The following AIMP1 variants were observed in gnomAD, a reference collection of about 807,000 sequenced individuals.
AIMP1 encodes the protein aminoacyl tRNA synthetase complex interacting multifunctional protein 1.
AIMP1 carries 24 observed loss-of-function variants against 33.1 expected under a neutral mutation model. That is an observed-to-expected ratio of 0.73 (90% CI 0.53 to 1.02). The LOEUF (loss-of-function observed/expected upper bound fraction) is 1.02, where lower values mean the gene tolerates loss of function less well. AIMP1 is among the 50% of genes least tolerant of loss of function. The pLI is 0.00. For missense variants in AIMP1, 367 were observed against 364.8 expected, an observed-to-expected ratio of 1.01 and a Z score of -0.05; for synonymous variants, 120 against 121.5, an observed-to-expected ratio of 0.99 and a Z score of 0.08.
rs748330574 is a variant in AIMP1, at chr4:106,336,253, GA to G, written c.604-604del. On this transcript the variant is annotated intron_variant, in intron 5 of 6. Coordinates refer to ENST00000672341, the MANE Select transcript of AIMP1 (RefSeq NM_001142416.2). ...TTGCCATTTTGCCCATGCTGGTCTC[GA>G]AAAAAAAAAAACACTGGGCTCAAGC... Among the ~76,000 whole-genome samples the G allele has an allele frequency of 5.1e-3, 670 of 130,606 alleles. 3 individuals are homozygous for G. Among genetic ancestry groups the G allele is most frequent in the Admixed American group, 9.6e-3 (124 of 12,948 alleles). The allele number at this position is 130,606 out of a possible 152,430, so 85.7% of individuals were successfully genotyped here. A position where few individuals can be genotyped will look rare whatever the true frequency, so the allele number is the denominator to read the frequency against.
At chr4:106,316,545 T>A (rs1768903164), upstream of AIMP1, 1 of 1,551,512 alleles carries the variant, frequency 6.4e-7, no homozygotes, top group South Asian at 1.2e-5. Flanking sequence ...TGGCTGGACC[T>A]ACATGCTTCC....
Position 106,325,121 on chromosome 4 carries a change from A to G in AIMP1, c.109+3A>G. ...TTCTCTACTTAAGGAGAAAGCAAGT[A>G]AGAAAATTTAAAATTTTTTGAGGAG... On this transcript the variant is annotated splice_donor_region_variant and intron_variant, in intron 2 of 6. Coordinates refer to ENST00000672341, the MANE Select transcript of AIMP1 (RefSeq NM_001142416.2). The G allele has an allele frequency of 1.9e-6, 3 of 1,608,578 alleles. No individual in the cohort carries two copies. Among genetic ancestry groups the G allele is most frequent in the Non-Finnish European group, 2.5e-6 (3 of 1,176,894 alleles).
chr4:106,331,867 A>G lies in AIMP1; in HGVS notation c.587A>G (p.His196Arg). 1 of 1,614,068 alleles carries G rather than the reference A, an allele frequency of 6.2e-7. No homozygotes were observed. Among genetic ancestry groups the G allele is most frequent in the South Asian group, 1.1e-5 (1 of 91,086 alleles). ...ACAGTTGTCAGTGGCCTGGTGAATC[A>G]TGTTCCTCTTGAACAGGTAATCTGT... is the stretch of plus-strand genomic sequence containing the variant. Reference protein sequence around the residue: ...PRTVVSGLVNHVPLEQMQNRM... With the variant: ...PRTVVSGLVNRVPLEQMQNRM... Residue 196 changes from histidine to arginine, a missense_variant, in exon 5 of 7, where the codon CAT becomes CGT. Transcript: ENST00000672341.
At chr4:106,328,281 G>A (rs1470647039) in intron 4 of AIMP1, 38 bp downstream of exon 4, 1 of 1,559,920 alleles carries the variant, frequency 6.4e-7, no homozygotes, top group African/African-American at 1.4e-5. Flanking sequence ...CTCTTGACTG[G>A]ATTATCAGAA....
At chr4:106,336,672 A>G (rs554572822) in intron 5 of AIMP1, among the ~76,000 whole-genome samples, 197 bp from the exon 6 acceptor site, 3 of 152,284 alleles carry the variant, frequency 2.0e-5, no homozygotes, top group African/African-American at 4.8e-5. Flanking sequence ...TGCGTTATCA[A>G]TTTGGAGGAA....
At chr4:106,321,846 T>C (rs1390252065) in intron 1 of AIMP1, among the ~76,000 whole-genome samples, 1 of 152,240 alleles carries the variant, frequency 6.6e-6, no homozygotes, top group East Asian at 1.9e-4. Flanking sequence ...TTTTGTTCTG[T>C]ACTAAGAAAA....
Position 106,347,744 on chromosome 4 carries a change from G to C in AIMP1, c.*52G>C. On this transcript the variant is annotated 3_prime_UTR_variant, in exon 7 of 7. Transcript: ENST00000672341. ...GAGAAAACCTTAAAAGTAATAAAGA[G>C]AAATATATTTGTCACTTATACCTAA... 6.4e-7 allele frequency: 1 copy of C among 1,565,340 alleles called. No individual in the cohort carries two copies. Among genetic ancestry groups the C allele is most frequent in the South Asian group, 1.2e-5 (1 of 85,758 alleles).
At chr4:106,329,260 A>G (rs949355562) in intron 4 of AIMP1, among the ~76,000 whole-genome samples, 2 of 152,228 alleles carry the variant, frequency 1.3e-5, no homozygotes, top group African/African-American at 2.4e-5. Context: ...TCTAGTTTAT[A>G]AAGTACGTTA....
chr4:106,330,523 G>A (rs1769636909), intron 4 of AIMP1, among the ~76,000 whole-genome samples: 1 of 152,092 alleles, frequency 6.6e-6, no homozygotes, highest in Non-Finnish European at 1.5e-5. Context: ...ACTTATTGTT[G>A]TATGAATTAT....
chr4:106,322,348 C>CT (rs946806115), intron 1 of AIMP1, among the ~76,000 whole-genome samples: 16 of 152,024 alleles, frequency 1.1e-4, no homozygotes, highest in Admixed American at 9.2e-4. Flanking sequence ...GTCACACAGT[C>CT]TAAGTATATA....
chr4:106,332,938 A>G (rs940666671), intron 5 of AIMP1, among the ~76,000 whole-genome samples: 1 of 152,110 alleles, frequency 6.6e-6, no homozygotes, highest in Non-Finnish European at 1.5e-5. Flanking sequence ...GTATTTCATA[A>G]AATACTTACA....
chr4:106,320,956 C>T (rs952424065), intron 1 of AIMP1, among the ~76,000 whole-genome samples: 2 of 152,158 alleles, frequency 1.3e-5, no homozygotes, highest in African/African-American at 2.4e-5. Flanking sequence ...CCGTGTTGGC[C>T]GGGCTGGTCT....
chr4:106,331,614 T>C, intron 4 of AIMP1, 58 bp from the exon 5 acceptor site: 1 of 1,485,408 alleles, frequency 6.7e-7, no homozygotes. Flanking sequence ...GGAGTTTTCA[T>C]AGTGTTTTTT....
intron 1 of AIMP1, among the ~76,000 whole-genome samples, chr4:106,317,976 C>T (rs1400056994): frequency 6.6e-6 from 1 of 152,024 alleles, no homozygotes; most frequent in African/African-American, 2.4e-5. Flanking sequence ...GGACTCTGTA[C>T]TGGGGAGGAA....
chr4:106,336,846 T>C, intron 5 of AIMP1, 23 bp from the exon 6 acceptor site: 4 of 1,609,318 alleles, frequency 2.5e-6, no homozygotes, highest in Non-Finnish European at 3.4e-6. Context: ...ACATCTTTAC[T>C]TACCAGTTTA....
chr4:106,339,345 C>T (rs539343914), intron 6 of AIMP1, among the ~76,000 whole-genome samples: 41 of 152,244 alleles, frequency 2.7e-4, no homozygotes, highest in African/African-American at 8.2e-4. Context: ...TTTCACCTGT[C>T]GTGGGAGGGA....
chr4:106,322,571 CTG>C (rs1192912619), intron 1 of AIMP1, among the ~76,000 whole-genome samples: 1 of 152,214 alleles, frequency 6.6e-6, no homozygotes, highest in East Asian at 1.9e-4. Context: ...GAGCACAGTT[CTG>C]TTAACACACA....
upstream of AIMP1, chr4:106,316,028 G>A (rs1195313282): frequency 6.5e-6 from 1 of 152,866 alleles, no homozygotes; most frequent in East Asian, 1.9e-4. Flanking sequence ...TGCCGCTACG[G>A]CTTAGTGCAC....
chr4:106,328,976 G>T (rs1769559555), intron 4 of AIMP1, among the ~76,000 whole-genome samples: 1 of 150,342 alleles, frequency 6.7e-6, no homozygotes, highest in Non-Finnish European at 1.5e-5. Context: ...CCTTTCCCCA[G>T]ATATGTCTAA....
Sources: gnomAD v4.1 joint callset for allele counts (sites outside exome capture counted in the v4.1 genomes callset) on GRCh38, gnomAD v4.1.1 for gene constraint, MANE v1.5 for transcripts, NCBI Gene and HGNC (gene_info 2026-07-23, HGNC 2026-07-21) for gene names.